NELL1: variants seen among roughly 807,000 people sequenced by gnomAD.
NELL1 encodes neural EGFL like 1, also known as protein kinase C-binding protein NELL1.
Under a neutral mutation model 107.4 loss-of-function variants are expected in NELL1, and 76 were observed. The ratio of observed to expected loss-of-function variants is 0.71; its 90% CI spans 0.59 to 0.86. NELL1 has a LOEUF of 0.86. Among genes scored for constraint, NELL1 ranks in the 40% least tolerant of loss-of-function variants. NELL1 has a pLI of 0.00. For missense variants in NELL1, 1,024 were observed against 1,005.5 expected (o/e 1.02, Z -0.25); for synonymous variants, 353 against 341.2 (o/e 1.03, Z -0.38).
intron 15 of NELL1, among the ~76,000 whole-genome samples, chr11:21,417,309 A>G (rs181338747): frequency 9.2e-5 from 14 of 152,138 alleles, no homozygotes; most frequent in Admixed American, 4.6e-4. Flanking sequence ...TCCATTAATG[A>G]GGTGCTGCAT....
intron 12 of NELL1, among the ~76,000 whole-genome samples, chr11:21,048,256 T>C (rs1247125873): frequency 6.6e-6 from 1 of 152,162 alleles, no homozygotes; most frequent in African/African-American, 2.4e-5. Flanking sequence ...CTAGATGTCT[T>C]TTCCCATTTA....
intron 14 of NELL1, among the ~76,000 whole-genome samples, chr11:21,295,540 T>G (rs1383640822): frequency 2.6e-5 from 4 of 152,100 alleles, no homozygotes; most frequent in Admixed American, 2.6e-4. Context: ...CAAAGAATTT[T>G]GCAAGTAAGA....
intron 14 of NELL1, among the ~76,000 whole-genome samples, chr11:21,265,189 C>G (rs1460882235): frequency 6.6e-6 from 1 of 152,002 alleles, no homozygotes; most frequent in Non-Finnish European, 1.5e-5. Flanking sequence ...ATAAACACCT[C>G]TATTTCAGCC....
intron 15 of NELL1, among the ~76,000 whole-genome samples, chr11:21,499,691 A>G (rs371998457): frequency 3.3e-5 from 5 of 152,148 alleles, no homozygotes; most frequent in African/African-American, 1.2e-4. Flanking sequence ...GCCCTTAGGG[A>G]GAGAGGATTT....
intron 3 of NELL1, among the ~76,000 whole-genome samples, chr11:20,811,032 T>C (rs1423037982): frequency 6.6e-6 from 1 of 152,198 alleles, no homozygotes; most frequent in African/African-American, 2.4e-5. Context: ...TTGCTTTTAT[T>C]GATTATGCTT....
At position 21,146,766 on chromosome 11, in the gene NELL1, G is replaced by A. The variant is rs544179399; in HGVS notation, c.1426+33052G>A. Among the ~76,000 whole-genome samples, 12 of 152,070 alleles carry A rather than the reference G, an allele frequency of 7.9e-5. No individual in the cohort carries two copies. The South Asian group carries it at 2.3e-3, about 29-fold the overall frequency. On this transcript the variant is annotated intron_variant, in intron 13 of 19. Transcript: ENST00000357134. ...ATCTAGATGAGTATCACTTTGGCCG[G>A]GTGCGGTGACTCATGCCTGTAATCC...
intron 4 of NELL1, among the ~76,000 whole-genome samples, chr11:20,860,575 A>T (rs189887118): frequency 6.5e-4 from 99 of 152,324 alleles, no homozygotes; most frequent in Non-Finnish European, 1.2e-4. Context: ...CTGCATGTGG[A>T]TGTGTGCTGT....
At chr11:21,136,343 C>T (rs1044084948) in intron 13 of NELL1, among the ~76,000 whole-genome samples, 2 of 152,048 alleles carry the variant, frequency 1.3e-5, no homozygotes, top group Admixed American at 1.3e-4. Context: ...CATGTAGGGC[C>T]ATGTGGGCCA....
chr11:20,945,991 C>T (rs970874834), intron 10 of NELL1, among the ~76,000 whole-genome samples: 1 of 152,108 alleles, frequency 6.6e-6, no homozygotes, highest in Non-Finnish European at 1.5e-5. Flanking sequence ...CAGAGGCTGG[C>T]CTGTCTGGAC....
At position 21,534,478 on chromosome 11, in the gene NELL1, G is replaced by T. The variant is rs201961389; in HGVS notation, c.1750G>T (p.Asp584Tyr). The change falls in exon 16 of 20, where the codon GAT (aspartate) becomes TAT (tyrosine). Residue 584 changes from aspartate (D) to tyrosine (Y), a missense_variant. Physicochemically the swap from Asp to Tyr is radical, Grantham distance 160. Coordinates refer to ENST00000357134, the MANE Select transcript of NELL1 (RefSeq NM_006157.5). ...HCECRSGFHD[D>Y]GTYSLSGESC... The stretch of plus-strand genomic sequence containing the variant: ...TGAGTGCAGAAGCGGTTTCCATGAC[G>T]ATGGGACCTATTCACTGTCCGGGGA... 21 of 1,613,824 alleles carry T rather than the reference G, an allele frequency of 1.3e-5. No homozygotes were observed. In the African/African-American group the frequency reaches 2.4e-4, roughly 18 times the overall value.
chr11:21,039,361 T>C (rs1853171357), intron 12 of NELL1, among the ~76,000 whole-genome samples: 2 of 152,066 alleles, frequency 1.3e-5, no homozygotes, highest in African/African-American at 4.8e-5. Flanking sequence ...AATTTTTGTA[T>C]TTTGAGTAGA....
intron 15 of NELL1, among the ~76,000 whole-genome samples, chr11:21,487,389 C>G (rs796706742): frequency 8.5e-5 from 13 of 152,218 alleles, no homozygotes; most frequent in African/African-American, 2.9e-4. Context: ...TAAAGTCTTT[C>G]CCAGAGAAGC....
intron 12 of NELL1, among the ~76,000 whole-genome samples, chr11:20,973,626 T>G (rs10833419): frequency 0.17 from 25,701 of 152,162 alleles, 2,497 homozygotes; most frequent in Middle Eastern, 0.28. Context: ...CTCATAGATA[T>G]ATCTTGTTAA....
intron 14 of NELL1, among the ~76,000 whole-genome samples, chr11:21,334,864 G>A (rs1850354701): frequency 6.6e-6 from 1 of 152,052 alleles, no homozygotes; most frequent in East Asian, 1.9e-4. Flanking sequence ...GAGATTGAGA[G>A]CAGGTACTGA....
chr11:20,834,849 G>T (rs140470533), intron 3 of NELL1, among the ~76,000 whole-genome samples: 1 of 152,132 alleles, frequency 6.6e-6, no homozygotes, highest in African/African-American at 2.4e-5. Flanking sequence ...TGCATAACTG[G>T]TGACACCCGT....
intron 13 of NELL1, among the ~76,000 whole-genome samples, chr11:21,212,785 C>T (rs1371870161): frequency 1.3e-5 from 2 of 152,184 alleles, no homozygotes; most frequent in African/African-American, 2.4e-5. Flanking sequence ...GAATGCTTTT[C>T]TCCTAAATTT....
At position 21,289,408 on chromosome 11, in the gene NELL1, G is replaced by A. The variant is rs190246362; in HGVS notation, c.1549+59954G>A. Among the ~76,000 whole-genome samples, 354 of 152,258 alleles carry A rather than the reference G, an allele frequency of 2.3e-3. 2 individuals are homozygous for A. Among genetic ancestry groups the A allele is most frequent in the African/African-American group, 8.1e-3 (338 of 41,560 alleles). ...GGTTCCTCACCTGGGAAGTGCAAGG[G>A]GTCAGGGAACTCCCTCCCCTAGCCA... On this transcript the variant is annotated intron_variant, in intron 14 of 19. Coordinates refer to ENST00000357134, the MANE Select transcript of NELL1 (RefSeq NM_006157.5).
At chr11:21,055,480 A>G (rs1405753950) in intron 12 of NELL1, among the ~76,000 whole-genome samples, 2 of 152,098 alleles carry the variant, frequency 1.3e-5, no homozygotes, top group Non-Finnish European at 2.9e-5. Flanking sequence ...CCCTTAATAA[A>G]ATTTTGAAGC....
intron 5 of NELL1, among the ~76,000 whole-genome samples, chr11:20,892,105 A>C (rs1386957262): frequency 6.6e-6 from 1 of 152,210 alleles, no homozygotes; most frequent in Non-Finnish European, 1.5e-5. Flanking sequence ...AATCAACCAC[A>C]TAATTGGACA....
Sources: gnomAD v4.1 joint callset for allele counts (sites outside exome capture counted in the v4.1 genomes callset) on GRCh38, gnomAD v4.1.1 for gene constraint, MANE v1.5 for transcripts, NCBI Gene and HGNC (gene_info 2026-07-23, HGNC 2026-07-21) for gene names.